The following CCSER1 variants were observed in gnomAD, a reference collection of about 807,000 sequenced individuals.
CCSER1 encodes coiled-coil serine rich protein 1.
CCSER1 carries 41 observed loss-of-function variants against 82.0 expected under a neutral mutation model. The ratio of observed to expected loss-of-function variants is 0.50; its 90% CI spans 0.39 to 0.65. The LOEUF (loss-of-function observed/expected upper bound fraction) is 0.65, where lower values mean the gene tolerates loss of function less well. CCSER1 is among the 30% of genes least tolerant of loss of function. CCSER1 has a pLI of 0.00. For missense variants in CCSER1, 1,119 were observed against 1,064.2 expected (o/e 1.05, Z -0.72); for synonymous variants, 414 against 383.9 (o/e 1.08, Z -0.92).
At chr4:91,567,701 G>A (rs899522656) in intron 10 of CCSER1, among the ~76,000 whole-genome samples, 1 of 151,594 alleles carries the variant, frequency 6.6e-6, no homozygotes, top group South Asian at 2.1e-4. Context: ...TACTACCCCT[G>A]TTTTTTTTCT....
At chr4:90,772,997 T>C (rs1438149878) in intron 7 of CCSER1, among the ~76,000 whole-genome samples, 1 of 152,158 alleles carries the variant, frequency 6.6e-6, no homozygotes, top group Non-Finnish European at 1.5e-5. Context: ...TCCTAGCACT[T>C]TGGGATGCCA....
At chr4:90,624,671 C>T (rs951058795) in intron 5 of CCSER1, among the ~76,000 whole-genome samples, 4 of 152,210 alleles carry the variant, frequency 2.6e-5, no homozygotes, top group East Asian at 1.9e-4. Flanking sequence ...TCTACTCATT[C>T]GAAAATCCAC....
At chr4:91,245,195 A>C (rs1203389079) in intron 10 of CCSER1, among the ~76,000 whole-genome samples, 1 of 152,176 alleles carries the variant, frequency 6.6e-6, no homozygotes, top group Non-Finnish European at 1.5e-5. Context: ...TTTAAAGAGG[A>C]GGTAGAGAAA....
chr4:90,158,057 G>A (rs1350148916), intron 1 of CCSER1, among the ~76,000 whole-genome samples: 1 of 152,108 alleles, frequency 6.6e-6, no homozygotes, highest in East Asian at 1.9e-4. Flanking sequence ...TTTTTGGTGT[G>A]GATGTCCTTT....
intron 3 of CCSER1, among the ~76,000 whole-genome samples, chr4:90,382,835 A>G (rs554674935): frequency 6.6e-6 from 1 of 152,022 alleles, no homozygotes; most frequent in Non-Finnish European, 1.5e-5. Flanking sequence ...TTAACTAAAA[A>G]ATGTTACATT....
chr4:90,146,717 A>G (rs1478307857), intron 1 of CCSER1, among the ~76,000 whole-genome samples: 1 of 152,116 alleles, frequency 6.6e-6, no homozygotes, highest in Admixed American at 6.6e-5. Context: ...ACAGAGGATT[A>G]TATATCTTTT....
chr4:91,372,363 TC>T (rs1750106759), intron 10 of CCSER1, among the ~76,000 whole-genome samples: 1 of 152,164 alleles, frequency 6.6e-6, no homozygotes, highest in Non-Finnish European at 1.5e-5. Context: ...CTGATTTGAC[TC>T]CCTTTTCCAG....
intron 5 of CCSER1, among the ~76,000 whole-genome samples, chr4:90,475,347 C>T (rs1298955570): frequency 4.6e-5 from 7 of 152,166 alleles, no homozygotes; most frequent in Non-Finnish European, 1.0e-4. Context: ...GCTAGTGTTT[C>T]ATGATTTTGG....
intron 10 of CCSER1, among the ~76,000 whole-genome samples, chr4:91,094,368 C>G (rs538167830): frequency 6.6e-6 from 1 of 152,172 alleles, no homozygotes; most frequent in Non-Finnish European, 1.5e-5. Flanking sequence ...AAGAAGGCAT[C>G]CTTCAAGTCC....
chr4:90,168,572 C>A (rs540018391), intron 1 of CCSER1, among the ~76,000 whole-genome samples: 21 of 151,886 alleles, frequency 1.4e-4, no homozygotes, highest in Non-Finnish European at 2.5e-4. Flanking sequence ...CTGAATGGTA[C>A]TGCCTAGGTT....
intron 9 of CCSER1, among the ~76,000 whole-genome samples, chr4:91,005,191 G>A (rs369516130): frequency 2.0e-5 from 3 of 152,222 alleles, no homozygotes; most frequent in African/African-American, 7.2e-5. Flanking sequence ...CTTGTGACAA[G>A]AGTTAACACA....
At chr4:90,902,582 T>A (rs1724818595) in intron 8 of CCSER1, among the ~76,000 whole-genome samples, 1 of 152,036 alleles carries the variant, frequency 6.6e-6, no homozygotes, top group South Asian at 2.1e-4. Context: ...GGGTTCCTTA[T>A]TTGGGGCTAG....
At chr4:91,529,824 G>A (rs1373390692) in intron 10 of CCSER1, among the ~76,000 whole-genome samples, 1 of 152,004 alleles carries the variant, frequency 6.6e-6, no homozygotes, top group Non-Finnish European at 1.5e-5. Context: ...AAAATGTTCT[G>A]ATCATTAGCA....
intron 5 of CCSER1, among the ~76,000 whole-genome samples, chr4:90,611,145 C>T (rs547985880): frequency 1.1e-4 from 15 of 139,962 alleles, no homozygotes; most frequent in Admixed American, 2.2e-4. Context: ...GTGATCCACT[C>T]GCCTCAGCCT....
chr4:90,920,714 G>A (rs1728252039), intron 8 of CCSER1, among the ~76,000 whole-genome samples: 1 of 151,738 alleles, frequency 6.6e-6, no homozygotes, highest in Non-Finnish European at 1.5e-5. Flanking sequence ...CCTATAGAAT[G>A]CGAATTGTCT....
chr4:91,274,643 T>G (rs767622433), intron 10 of CCSER1, among the ~76,000 whole-genome samples: 1 of 152,218 alleles, frequency 6.6e-6, no homozygotes, highest in Admixed American at 6.5e-5. Context: ...TCCATCTTGC[T>G]GCAAATGACA....
intron 8 of CCSER1, among the ~76,000 whole-genome samples, chr4:90,871,264 T>C (rs577691099): frequency 2.0e-5 from 3 of 151,928 alleles, no homozygotes; most frequent in African/African-American, 7.2e-5. Flanking sequence ...TTAAGATGTA[T>C]TGTTAGCTTG....
intron 10 of CCSER1, among the ~76,000 whole-genome samples, chr4:91,358,529 G>C (rs1272655771): frequency 6.6e-6 from 1 of 151,006 alleles, no homozygotes; most frequent in South Asian, 2.1e-4. Context: ...CAAAATCCAA[G>C]TATCAAAAAA....
intron 5 of CCSER1, among the ~76,000 whole-genome samples, chr4:90,616,469 T>TCAGGG (rs1439196494): frequency 6.6e-6 from 1 of 151,924 alleles, no homozygotes; most frequent in Non-Finnish European, 1.5e-5. Context: ...TCACTTGATG[T>TCAGGG]CAGGGGAGTT....
Sources: allele counts gnomAD v4.1 joint callset (sites outside exome capture counted in the v4.1 genomes callset), GRCh38; gene constraint gnomAD v4.1.1; transcripts MANE v1.5; gene names NCBI Gene and HGNC (gene_info 2026-07-23, HGNC 2026-07-21).